ALDH2: variants seen among roughly 807,000 people sequenced by gnomAD.
ALDH2 encodes the protein aldehyde dehydrogenase 2 family member, also known as aldehyde dehydrogenase, mitochondrial.
Under a neutral mutation model 59.6 loss-of-function variants are expected in ALDH2, and 44 were observed. The ratio of observed to expected loss-of-function variants is 0.74; its 90% CI spans 0.58 to 0.95. ALDH2 has a LOEUF of 0.95. Ranked by LOEUF, ALDH2 falls within the 40% of genes least tolerant of loss-of-function variation. ALDH2 has a pLI of 0.00. For missense variants in ALDH2, 570 were observed against 696.3 expected (o/e 0.82, Z 2.04); for synonymous variants, 291 against 284.0 (o/e 1.02, Z -0.25).
intron 1 of ALDH2, among the ~76,000 whole-genome samples, chr12:111,770,333 A>T (rs1441971412): frequency 2.0e-5 from 3 of 152,148 alleles, no homozygotes; most frequent in African/African-American, 7.2e-5. Flanking sequence ...TGTCTTGGTG[A>T]TCAAACTCCA....
intron 2 of ALDH2, 39 bp downstream of exon 2, chr12:111,782,061 C>T (rs369579839): frequency 2.0e-5 from 30 of 1,489,424 alleles, no homozygotes; most frequent in East Asian, 4.5e-5. Context: ...GGGATGGATT[C>T]GTCTTCTATT....
At chr12:111,785,470 T>C in intron 4 of ALDH2, 124 bp downstream of exon 4, 1 of 804,774 alleles carries the variant, frequency 1.2e-6, no homozygotes, top group Non-Finnish European at 2.1e-6. Context: ...ATGCCTATAA[T>C]CCCAGCACTT....
In ALDH2 at chr12:111,774,069, C is replaced by T. The variant is rs35154896; in HGVS notation, c.114+6973C>T. Among the ~76,000 whole-genome samples, 915 of 152,258 alleles carry T rather than the reference C, an allele frequency of 6.0e-3. 11 individuals are homozygous for T. The highest frequency in any genetic ancestry group is 0.02 in the African/African-American group (846 of 41,544). On this transcript the variant is annotated intron_variant, in intron 1 of 12. Transcript: ENST00000261733. ...TGCAGCAAGATAGAGGTTGCCAAACCGTAAGCAGAACAAGTTGAAACCGCG... is the reference window on the plus strand; with the variant it reads ...TGCAGCAAGATAGAGGTTGCCAAACTGTAAGCAGAACAAGTTGAAACCGCG...
intron 9 of ALDH2, among the ~76,000 whole-genome samples, chr12:111,795,136 T>C (rs2068392849): frequency 6.6e-6 from 1 of 152,224 alleles, no homozygotes. Flanking sequence ...GGTTCATCCA[T>C]GTTGTAATAA....
At chr12:111,773,710 A>C (rs540181549) in intron 1 of ALDH2, among the ~76,000 whole-genome samples, 2 of 152,256 alleles carry the variant, frequency 1.3e-5, no homozygotes, top group Non-Finnish European at 2.9e-5. Flanking sequence ...TGATCAGACC[A>C]TAAGAATGTA....
intron 11 of ALDH2, among the ~76,000 whole-genome samples, chr12:111,802,448 G>C (rs1198266022): frequency 6.6e-6 from 1 of 151,742 alleles, no homozygotes; most frequent in Non-Finnish European, 1.5e-5. Context: ...GGGCGCAGTG[G>C]TGGGCACCTG....
intron 12 of ALDH2, among the ~76,000 whole-genome samples, chr12:111,804,798 G>C (rs974994369): frequency 6.0e-5 from 9 of 151,046 alleles, no homozygotes; most frequent in Non-Finnish European, 1.5e-5. Flanking sequence ...GGTTGGAATG[G>C]AGCAATTCCC....
At position 111,766,991 on chromosome 12, in the gene ALDH2, C is replaced by A; in HGVS notation, c.9C>A (p.Arg3=). Residue 3 remains arginine (R), a synonymous_variant, in exon 1 of 13, where the codon CGC becomes CGA. Transcript: ENST00000261733. ...TCCGCTAGCCCGCTGCGATGTTGCG[C>A]GCTGCCGCCCGCTTCGGGCCCCGCC... The part of the protein sequence containing the change: ML[R]AAARFGPRLG... The A allele has an allele frequency of 6.6e-7, 1 of 1,521,746 alleles. No individual in the cohort carries two copies. The highest frequency in any genetic ancestry group is 1.2e-5 in the South Asian group (1 of 82,858). 94.3% of individuals were successfully genotyped at this position (1,521,746 alleles called of 1,614,324 possible).
At chr12:111,774,228 C>G (rs112169152) in intron 1 of ALDH2, among the ~76,000 whole-genome samples, 11 of 152,248 alleles carry the variant, frequency 7.2e-5, no homozygotes, top group African/African-American at 2.6e-4. Flanking sequence ...GGGAGTGTCC[C>G]GAGCAAGCCT....
intron 4 of ALDH2, among the ~76,000 whole-genome samples, chr12:111,786,455 C>A (rs796751350): frequency 1.2e-4 from 19 of 152,142 alleles, no homozygotes; most frequent in African/African-American, 4.6e-4. Flanking sequence ...CCAGGATGGT[C>A]TCAATCTCCT....
At chr12:111,780,601 C>A (rs568159938) in intron 1 of ALDH2, among the ~76,000 whole-genome samples, 1 of 152,174 alleles carries the variant, frequency 6.6e-6, no homozygotes, top group African/African-American at 2.4e-5. Flanking sequence ...CCTACCACCA[C>A]GGCTGGAGTT....
chr12:111,786,100 T>C (rs2068306458), intron 4 of ALDH2, among the ~76,000 whole-genome samples: 1 of 152,226 alleles, frequency 6.6e-6, no homozygotes, highest in Admixed American at 6.5e-5. Flanking sequence ...ACCAAACTTT[T>C]GGTTTTGTTG....
chr12:111,792,724 G>A lies in ALDH2; in HGVS notation c.1025G>A (p.Arg342Gln), dbSNP rs775082307. ...YDEFVERSVA[R>Q]AKSRVVGNPF... ...GAGTTTGTGGAGCGGAGCGTTGCCC[G>A]GGCCAAGTCTCGGGTGGTCGGGAAC... Residue 342 changes from arginine (R) to glutamine (Q), a missense_variant, in exon 9 of 13, where the codon CGG becomes CAG. By Grantham distance (43) the Arg-to-Gln change is conservative (BLOSUM62 1). Coordinates refer to ENST00000261733, the MANE Select transcript of ALDH2 (RefSeq NM_000690.4). 67 of 1,581,698 alleles carry A rather than the reference G, an allele frequency of 4.2e-5. No homozygotes were observed. The highest frequency in any genetic ancestry group is 5.1e-5 in the Non-Finnish European group (59 of 1,164,188).
chr12:111,792,255 C>A, intron 8 of ALDH2, 92 bp downstream of exon 8: 1 of 1,014,862 alleles, frequency 9.9e-7, no homozygotes, highest in Non-Finnish European at 1.5e-6. Flanking sequence ...CCCCAGTGCC[C>A]AATGGCGTTG....
intron 6 of ALDH2, 21 bp from the exon 7 acceptor site, chr12:111,791,285 C>G (rs778333487): frequency 6.3e-7 from 1 of 1,585,898 alleles, no homozygotes; most frequent in Non-Finnish European, 8.7e-7. Flanking sequence ...CTCCCAATGT[C>G]CCCTGGCTGT....
intron 1 of ALDH2, among the ~76,000 whole-genome samples, chr12:111,769,199 T>C (rs906150056): frequency 1.3e-5 from 2 of 152,194 alleles, no homozygotes; most frequent in Non-Finnish European, 2.9e-5. Context: ...TATCAGACTT[T>C]TTGAGATCAT....
chr12:111,779,322 T>A (rs2068254856), intron 1 of ALDH2, among the ~76,000 whole-genome samples: 2 of 152,124 alleles, frequency 1.3e-5, no homozygotes, highest in Non-Finnish European at 2.9e-5. Flanking sequence ...CCTAAGTAGC[T>A]GGGATTACAG....
At chr12:111,803,778 CT>C (rs2068472228) in intron 11 of ALDH2, 80 bp from the exon 12 acceptor site, 2 of 904,726 alleles carry the variant, frequency 2.2e-6, no homozygotes. Context: ...AAAATAAAGA[CT>C]TTGGGGCAAT....
In ALDH2 at chr12:111,782,990, A is replaced by T. The variant is rs185999936; in HGVS notation, c.220-168A>T. 5.9e-5 allele frequency among the ~76,000 whole-genome samples: 9 copies of T among 152,298 alleles called. No individual in the cohort carries two copies. The East Asian group carries it at 1.7e-3, about 29-fold the overall frequency. Reference sequence around the variant, plus strand: ...TCATGTTATTCAACCCCATTGCTGAAGTCTGGTGCTCATCAGGGCTCTGCC... The same window carrying T: ...TCATGTTATTCAACCCCATTGCTGATGTCTGGTGCTCATCAGGGCTCTGCC... On this transcript the variant is annotated intron_variant, in intron 2 of 12. Transcript: ENST00000261733.
Sources: allele counts gnomAD v4.1 joint callset (sites outside exome capture counted in the v4.1 genomes callset), GRCh38; gene constraint gnomAD v4.1.1; transcripts MANE v1.5; gene names NCBI Gene and HGNC (gene_info 2026-07-23, HGNC 2026-07-21).